The following ATG5 variants were observed in gnomAD, a reference collection of about 807,000 sequenced individuals.
The protein encoded by ATG5 is autophagy related 5.
A neutral mutation model predicts 36.5 loss-of-function variants in ATG5; 14 were observed. That is an observed-to-expected ratio of 0.38 (90% CI 0.25 to 0.60). ATG5 has a LOEUF of 0.60. Among genes scored for constraint, ATG5 ranks in the 20% least tolerant of loss-of-function variants. The pLI, the probability that ATG5 is intolerant of heterozygous loss-of-function variation, is 0.60. For missense variants in ATG5, 195 were observed against 326.7 expected (o/e 0.60, Z 3.11); for synonymous variants, 95 against 101.5 (o/e 0.94, Z 0.38).
intron 5 of ATG5, among the ~76,000 whole-genome samples, chr6:106,279,358 G>A (rs2114600109): frequency 6.6e-6 from 1 of 152,270 alleles, no homozygotes; most frequent in Middle Eastern, 3.4e-3. Flanking sequence ...TCATGACTAA[G>A]GAATAAAGAC....
chr6:106,313,047 T>C (rs1292932764), intron 2 of ATG5, among the ~76,000 whole-genome samples: 1 of 152,080 alleles, frequency 6.6e-6, no homozygotes, highest in Non-Finnish European at 1.5e-5. Flanking sequence ...AGCCAGCAGA[T>C]AAGAAGTTGA....
chr6:106,213,351 C>G (rs888199520), intron 6 of ATG5, among the ~76,000 whole-genome samples: 32 of 152,052 alleles, frequency 2.1e-4, no homozygotes, highest in Admixed American at 1.3e-4. Flanking sequence ...AGAGCAAAAC[C>G]AAAACAATCC....
intron 5 of ATG5, among the ~76,000 whole-genome samples, chr6:106,276,623 A>G (rs1000213349): frequency 6.6e-5 from 10 of 152,188 alleles, no homozygotes; most frequent in Admixed American, 1.3e-4. Context: ...CATTTAAATC[A>G]GTTTTAGAAT....
intron 5 of ATG5, among the ~76,000 whole-genome samples, chr6:106,260,548 C>A (rs1410061902): frequency 6.6e-6 from 1 of 152,138 alleles, no homozygotes; most frequent in African/African-American, 2.4e-5. Context: ...TTTAGATGAA[C>A]AAACGTGTTC....
intron 4 of ATG5, among the ~76,000 whole-genome samples, chr6:106,284,045 A>G (rs58046598): frequency 0.025 from 3,747 of 152,298 alleles, 65 homozygotes; most frequent in African/African-American, 0.049. Flanking sequence ...TTGTAAGGAT[A>G]CATACAGTAT....
chr6:106,190,456 G>A (rs538371200), intron 7 of ATG5, among the ~76,000 whole-genome samples: 2 of 152,130 alleles, frequency 1.3e-5, no homozygotes, highest in South Asian at 4.1e-4. Flanking sequence ...TCTAACATGT[G>A]AATTCTGGGG....
At chr6:106,290,966 A>G (rs556910897) in intron 4 of ATG5, among the ~76,000 whole-genome samples, 1 of 152,346 alleles carries the variant, frequency 6.6e-6, no homozygotes, top group African/African-American at 2.4e-5. Context: ...AAATACTATC[A>G]CTTGTTTTCC....
At chr6:106,299,128 T>G (rs957804112) in intron 3 of ATG5, among the ~76,000 whole-genome samples, 4 of 152,192 alleles carry the variant, frequency 2.6e-5, no homozygotes, top group Non-Finnish European at 5.9e-5. Flanking sequence ...CGGTCCACCC[T>G]TGGTACGTGT....
intron 3 of ATG5, among the ~76,000 whole-genome samples, chr6:106,307,840 C>A (rs1013260267): frequency 2.6e-4 from 39 of 152,122 alleles, no homozygotes; most frequent in African/African-American, 8.9e-4. Flanking sequence ...CAGTTCAATA[C>A]CCTTCTTAAA....
At chr6:106,305,899 A>G (rs1770425941) in intron 3 of ATG5, among the ~76,000 whole-genome samples, 1 of 152,242 alleles carries the variant, frequency 6.6e-6, no homozygotes, top group Non-Finnish European at 1.5e-5. Context: ...ATCAAGACTA[A>G]GCCCAGAGGC....
intron 6 of ATG5, among the ~76,000 whole-genome samples, chr6:106,240,000 CT>C (rs974454550): frequency 6.0e-5 from 9 of 148,888 alleles, no homozygotes; most frequent in Non-Finnish European, 9.0e-5. Context: ...AAAGGACCTT[CT>C]TTTTTTTTTG....
intron 3 of ATG5, among the ~76,000 whole-genome samples, chr6:106,298,411 C>T (rs138237598): frequency 2.0e-4 from 30 of 151,992 alleles, no homozygotes; most frequent in Non-Finnish European, 3.8e-4. Flanking sequence ...ATTAGCTGGG[C>T]GTGGTGGCAT....
At chr6:106,197,948 G>C (rs1245039223) in intron 7 of ATG5, among the ~76,000 whole-genome samples, 3 of 152,170 alleles carry the variant, frequency 2.0e-5, no homozygotes, top group Non-Finnish European at 4.4e-5. Flanking sequence ...GAAAGCCAGT[G>C]CTGCCACGGA....
intron 5 of ATG5, among the ~76,000 whole-genome samples, chr6:106,270,464 C>G (rs986512382): frequency 6.6e-6 from 1 of 152,144 alleles, no homozygotes; most frequent in African/African-American, 2.4e-5. Context: ...ATTAGCTCAG[C>G]TATATGTACA....
intron 5 of ATG5, among the ~76,000 whole-genome samples, chr6:106,250,067 C>A (rs1442808626): frequency 6.6e-6 from 1 of 151,786 alleles, no homozygotes; most frequent in Non-Finnish European, 1.5e-5. Flanking sequence ...TTTTTTTTAA[C>A]TCACCCAGAA....
intron 7 of ATG5, among the ~76,000 whole-genome samples, chr6:106,197,528 T>TGGG (rs958426076): frequency 1.0e-3 from 55 of 54,932 alleles, no homozygotes; most frequent in African/African-American, 2.3e-3. Flanking sequence ...TGGGTTGGGG[T>TGGG]GGGGGGGGCG....
At chr6:106,210,604 AG>A (rs1225134433) in intron 6 of ATG5, among the ~76,000 whole-genome samples, 1 of 152,230 alleles carries the variant, frequency 6.6e-6, no homozygotes, top group Non-Finnish European at 1.5e-5. Context: ...ATTTAAAGCC[AG>A]TCAGAAGACA....
chr6:106,307,540 T>TTC, intron 3 of ATG5, among the ~76,000 whole-genome samples: 1 of 149,288 alleles, frequency 6.7e-6, no homozygotes, highest in African/African-American at 2.5e-5. Flanking sequence ...ATACCCTTTT[T>TTC]TTTTTTTTTT....
intron 4 of ATG5, chr6:106,283,662 C>T (rs1229161862): frequency 6.6e-6 from 1 of 152,304 alleles, no homozygotes; most frequent in Non-Finnish European, 1.5e-5. Context: ...TTCCTCCCAC[C>T]TCAGTCTTCT....
Sources: allele counts gnomAD v4.1 joint callset (sites outside exome capture counted in the v4.1 genomes callset), GRCh38; gene constraint gnomAD v4.1.1; transcripts MANE v1.5; gene names NCBI Gene and HGNC (gene_info 2026-07-23, HGNC 2026-07-21).